NEDD4: variants seen among roughly 807,000 people sequenced by gnomAD.
NEDD4 encodes the protein E3 ubiquitin-protein ligase NEDD4.
A neutral mutation model predicts 144.9 loss-of-function variants in NEDD4; 99 were observed. The observed-to-expected ratio is 0.68, with a 90% CI of 0.58 to 0.81. NEDD4 has a LOEUF of 0.81. NEDD4 is among the 30% of genes least tolerant of loss of function. The pLI is 0.00. For missense variants in NEDD4, 985 were observed against 1,065.9 expected, an observed-to-expected ratio of 0.92 and a Z score of 1.06; for synonymous variants, 318 against 350.6, an observed-to-expected ratio of 0.91 and a Z score of 1.04.
intron 4 of NEDD4, among the ~76,000 whole-genome samples, chr15:55,925,046 C>G (rs1009632313): frequency 6.6e-6 from 1 of 152,044 alleles, no homozygotes; most frequent in Non-Finnish European, 1.5e-5. Context: ...CCAGCCTGGG[C>G]GACATAGAGA....
intron 2 of NEDD4, among the ~76,000 whole-genome samples, chr15:55,956,183 G>A (rs1166224754): frequency 2.6e-5 from 4 of 152,196 alleles, no homozygotes; most frequent in Middle Eastern, 3.4e-3. Context: ...TGGGGTACAT[G>A]AGATTACCCA....
chr15:55,944,853 G>T (rs2037079688), intron 4 of NEDD4, among the ~76,000 whole-genome samples: 1 of 152,102 alleles, frequency 6.6e-6, no homozygotes, highest in African/African-American at 2.4e-5. Context: ...CTCCACTGGT[G>T]ATACCCAAGC....
At chr15:55,899,291 T>A (rs1354233284) in intron 5 of NEDD4, among the ~76,000 whole-genome samples, 1 of 152,232 alleles carries the variant, frequency 6.6e-6, no homozygotes, top group East Asian at 1.9e-4. Flanking sequence ...ATGAATAGCC[T>A]TTTATTAGTT....
At chr15:55,842,642 T>C (rs552405347) in intron 18 of NEDD4, among the ~76,000 whole-genome samples, 1 of 152,338 alleles carries the variant, frequency 6.6e-6, no homozygotes, top group East Asian at 1.9e-4. Context: ...CCTCCCAAAG[T>C]GCTGAGATTA....
At chr15:55,992,490 G>T (rs2038003440) in intron 1 of NEDD4, among the ~76,000 whole-genome samples, 1 of 152,186 alleles carries the variant, frequency 6.6e-6, no homozygotes, top group Non-Finnish European at 1.5e-5. Flanking sequence ...AAATTAGGTT[G>T]ATGGATTTTC....
At chr15:55,947,255 C>T (rs150545722) in intron 4 of NEDD4, among the ~76,000 whole-genome samples, 12,582 of 151,884 alleles carry the variant, frequency 0.083, 651 homozygotes, top group Middle Eastern at 0.16. Flanking sequence ...ACTGATAGAC[C>T]GCTACCAAGA....
chr15:55,938,080 G>A (rs1219297030), intron 4 of NEDD4, among the ~76,000 whole-genome samples: 1 of 152,212 alleles, frequency 6.6e-6, no homozygotes, highest in Admixed American at 6.5e-5. Flanking sequence ...ACAAATGGTG[G>A]CCAGGCGCAG....
At chr15:55,833,909 A>AT (rs760494424) in intron 26 of NEDD4, 129 bp downstream of exon 26, 13 of 682,820 alleles carry the variant, frequency 1.9e-5, no homozygotes, top group South Asian at 7.7e-5. Context: ...ATCAAAGATA[A>AT]TTTTTTCTGG....
chr15:55,896,306 C>G (rs1335302684), intron 5 of NEDD4, among the ~76,000 whole-genome samples: 2 of 152,134 alleles, frequency 1.3e-5, no homozygotes, highest in African/African-American at 4.8e-5. Context: ...CTCAGCCTCC[C>G]CAAGTACCTG....
intron 4 of NEDD4, among the ~76,000 whole-genome samples, chr15:55,927,880 G>A (rs2036704866): frequency 3.3e-5 from 5 of 152,080 alleles, no homozygotes. Context: ...ACCATTTTGA[G>A]GAAAAACCTC....
intron 4 of NEDD4, among the ~76,000 whole-genome samples, chr15:55,929,577 C>T (rs78394999): frequency 0.019 from 2,952 of 152,126 alleles, 109 homozygotes; most frequent in African/African-American, 0.068. Flanking sequence ...TAAGTGAGAA[C>T]ATGTGGTGGT....
At chr15:55,943,831 C>A (rs1475624526) in intron 4 of NEDD4, among the ~76,000 whole-genome samples, 9 of 152,190 alleles carry the variant, frequency 5.9e-5, no homozygotes, top group African/African-American at 2.2e-4. Context: ...ACCGCTTGCA[C>A]TGTTTGCCTG....
At chr15:55,954,809 C>G (rs1471436749) in intron 2 of NEDD4, among the ~76,000 whole-genome samples, 1 of 151,828 alleles carries the variant, frequency 6.6e-6, no homozygotes, top group East Asian at 2.0e-4. Context: ...CAGGCGTGAG[C>G]CACCGTGCCT....
intron 4 of NEDD4, among the ~76,000 whole-genome samples, chr15:55,947,419 A>G (rs2037138492): frequency 6.6e-6 from 1 of 152,232 alleles, no homozygotes; most frequent in South Asian, 2.1e-4. Context: ...AGCTAGAAGA[A>G]ATGGATAAAT....
intron 19 of NEDD4, 95 bp from the exon 20 acceptor site, chr15:55,840,822 C>T (rs1181676003): frequency 9.1e-6 from 11 of 1,207,386 alleles, no homozygotes; most frequent in Non-Finnish European, 1.3e-5. Flanking sequence ...TTGTTTACCA[C>T]TGTTAGAACC....
chr15:55,834,454 G>A (rs528517523), intron 24 of NEDD4, among the ~76,000 whole-genome samples, 168 bp from the exon 25 acceptor site: 1 of 152,228 alleles, frequency 6.6e-6, no homozygotes, highest in East Asian at 1.9e-4. Flanking sequence ...ATGTACATGT[G>A]CACAGTCTGT....
chr15:55,934,210 T>A (rs1276860522), intron 4 of NEDD4, among the ~76,000 whole-genome samples: 1 of 152,208 alleles, frequency 6.6e-6, no homozygotes, highest in South Asian at 2.1e-4. Context: ...GCATATCTTA[T>A]GAGCAGTGTG....
chr15:55,915,828 G>A (rs755700341), intron 5 of NEDD4: 2 of 1,613,756 alleles, frequency 1.2e-6, no homozygotes, highest in Non-Finnish European at 8.5e-7. Flanking sequence ...TACTTCTCCG[G>A]GGGTACAAAT....
At chr15:55,981,882 T>A (rs762409150) in intron 1 of NEDD4, among the ~76,000 whole-genome samples, 1 of 152,218 alleles carries the variant, frequency 6.6e-6, no homozygotes, top group African/African-American at 2.4e-5. Flanking sequence ...GCAGTTAACG[T>A]GGTTATGGAA....
Sources: allele counts gnomAD v4.1 joint callset (sites outside exome capture counted in the v4.1 genomes callset), GRCh38; gene constraint gnomAD v4.1.1; transcripts MANE v1.5; gene names NCBI Gene and HGNC (gene_info 2026-07-23, HGNC 2026-07-21).